The following TTC1 variants were observed in gnomAD, a reference collection of about 807,000 sequenced individuals.
The protein encoded by TTC1 is tetratricopeptide repeat domain 1.
TTC1 carries 31 observed loss-of-function variants against 37.6 expected under a neutral mutation model. The ratio of observed to expected loss-of-function variants is 0.82; its 90% CI spans 0.62 to 1.11. The LOEUF (loss-of-function observed/expected upper bound fraction) is 1.11, where lower values mean the gene tolerates loss of function less well. Ranked by LOEUF, TTC1 falls within the 50% of genes most tolerant of loss-of-function variation. The pLI is 0.00. For synonymous variants in TTC1, 127 were observed against 122.4 expected (o/e 1.04, Z -0.25); for missense variants, 351 against 339.0 (o/e 1.04, Z -0.28).
intron 2 of TTC1, among the ~76,000 whole-genome samples, chr5:160,015,690 AAGTGTAAGT>A (rs1382181532): frequency 1.3e-5 from 2 of 152,174 alleles, no homozygotes; most frequent in Non-Finnish European, 2.9e-5. Flanking sequence ...ATAAACTACT[AAGTGTAAGT>A]AAAGTGTTTC....
At chr5:160,032,480 A>AC (rs1215941194) in intron 2 of TTC1, among the ~76,000 whole-genome samples, 1 of 152,066 alleles carries the variant, frequency 6.6e-6, no homozygotes, top group African/African-American at 2.4e-5. Flanking sequence ...GAGTGGCAGT[A>AC]CCCCATGTCT....
chr5:160,048,842 G>A (rs554866866), intron 5 of TTC1, among the ~76,000 whole-genome samples: 7 of 152,140 alleles, frequency 4.6e-5, no homozygotes, highest in Non-Finnish European at 1.0e-4. Flanking sequence ...TCCCAGCTAC[G>A]TGGGAGGCTG....
chr5:160,010,671 A>G lies in TTC1; in HGVS notation c.143A>G (p.Asp48Gly). The G allele has an allele frequency of 6.2e-7, 1 of 1,613,832 alleles. No individual in the cohort carries two copies. ...NQHSQSKLLR[D>G]DEAHLQEDQG... ...CATTCCCAGAGTAAGCTGCTCAGGG[A>G]TGATGAGGCCCATCTCCAGGAGGAC... Residue 48 changes from aspartate to glycine, a missense_variant, in exon 2 of 8, where the codon GAT becomes GGT. Transcript: ENST00000231238.
intron 4 of TTC1, among the ~76,000 whole-genome samples, chr5:160,041,309 C>CT (rs2113375282): frequency 7.2e-6 from 1 of 139,564 alleles, no homozygotes; most frequent in Non-Finnish European, 1.6e-5. Flanking sequence ...ATTATGCTTT[C>CT]TTTCTTTTTT....
intron 1 of TTC1, among the ~76,000 whole-genome samples, chr5:160,009,776 AG>A (rs1271043533): frequency 6.6e-6 from 1 of 152,160 alleles, no homozygotes; most frequent in African/African-American, 2.4e-5. Flanking sequence ...AATCCTGATT[AG>A]GGTCACCTGC....
intron 2 of TTC1, among the ~76,000 whole-genome samples, chr5:160,026,128 A>C (rs1453837191): frequency 6.6e-6 from 1 of 152,214 alleles, no homozygotes; most frequent in African/African-American, 2.4e-5. Context: ...GGTTGCAAGC[A>C]TACATTCCAC....
intron 7 of TTC1, among the ~76,000 whole-genome samples, chr5:160,063,030 A>G (rs1186707835): frequency 6.6e-6 from 1 of 152,162 alleles, no homozygotes; most frequent in Non-Finnish European, 1.5e-5. Context: ...GCAGCACAGA[A>G]CGTGTGTGTC....
chr5:160,040,337 G>T (rs989333588), intron 4 of TTC1, among the ~76,000 whole-genome samples: 13 of 152,264 alleles, frequency 8.5e-5, no homozygotes, highest in African/African-American at 3.1e-4. Context: ...ATTGCTCTGG[G>T]TGAGTCAGTG....
At position 160,065,485 on chromosome 5, in the gene TTC1, C is replaced by A. The variant is rs1426768643; in HGVS notation, c.*420C>A. 10 of 446,060 alleles carry A rather than the reference C, an allele frequency of 2.2e-5. No individual in the cohort carries two copies. Among genetic ancestry groups the A allele is most frequent in the Non-Finnish European group, 3.6e-5 (8 of 223,154 alleles). 27.6% of individuals were successfully genotyped at this position (446,060 alleles called of 1,614,324 possible). A position where few individuals can be genotyped will look rare whatever the true frequency, so the allele number is the denominator to read the frequency against. On this transcript the variant is annotated 3_prime_UTR_variant, in exon 8 of 8. Coordinates refer to ENST00000231238, the MANE Select transcript of TTC1 (RefSeq NM_003314.3). ...GTCCCCTCCCTGATCACACAGCTAA[C>A]GAGGCTGCCTCCAGCATTTCCTGAT... is the stretch of plus-strand genomic sequence containing the variant.
At chr5:160,041,337 G>A (rs1349449139) in intron 4 of TTC1, among the ~76,000 whole-genome samples, 2 of 140,446 alleles carry the variant, frequency 1.4e-5, no homozygotes, top group East Asian at 4.2e-4. Context: ...TTTGGAGATA[G>A]AGTTACTCTG....
rs376876988 is a variant in TTC1, at chr5:160,043,106, A to G, written c.505-27A>G. On this transcript the variant is annotated intron_variant, in intron 4 of 7. Transcript: ENST00000231238. Reference sequence around the variant, plus strand: ...GCCATTAAGATAAAACTAGGGCAACACATATTAATACTGTTTTTCTTTTTA... The same window carrying G: ...GCCATTAAGATAAAACTAGGGCAACGCATATTAATACTGTTTTTCTTTTTA... The G allele has an allele frequency of 1.1e-5, 18 of 1,610,958 alleles. No individual in the cohort carries two copies. In the African/African-American group the frequency reaches 2.3e-4, roughly 20 times the overall value.
chr5:160,050,468 G>C (rs1012810206), intron 6 of TTC1, among the ~76,000 whole-genome samples: 2 of 151,686 alleles, frequency 1.3e-5, no homozygotes, highest in African/African-American at 2.4e-5. Context: ...AAATACAAAT[G>C]AATTTAAAAA....
chr5:160,039,846 T>C (rs1357169667), intron 4 of TTC1, among the ~76,000 whole-genome samples: 1 of 152,176 alleles, frequency 6.6e-6, no homozygotes, highest in Non-Finnish European at 1.5e-5. Flanking sequence ...ATGCTGAACA[T>C]TGAAAGAGAA....
intron 2 of TTC1, among the ~76,000 whole-genome samples, chr5:160,028,799 G>A (rs951631902): frequency 1.3e-5 from 2 of 151,864 alleles, no homozygotes; most frequent in African/African-American, 4.8e-5. Context: ...TTGGCTTTAG[G>A]GAAAAGGATT....
At chr5:160,029,798 TA>T (rs1336881356) in intron 2 of TTC1, among the ~76,000 whole-genome samples, 4 of 152,086 alleles carry the variant, frequency 2.6e-5, no homozygotes, top group African/African-American at 9.7e-5. Context: ...CTTGGGAGAA[TA>T]AACCCAGGTA....
chr5:160,036,026 T>A, intron 3 of TTC1, among the ~76,000 whole-genome samples: 1 of 152,058 alleles, frequency 6.6e-6, no homozygotes, highest in East Asian at 1.9e-4. Flanking sequence ...ACTTCTAATT[T>A]TGGAAGCATA....
In TTC1 at chr5:160,049,642, C is replaced by G. The variant is rs768790565; in HGVS notation, c.670C>G (p.Gln224Glu). The change falls in exon 6 of 8, where the codon CAA becomes GAA. Residue 224 changes from glutamine to glutamate, a missense_variant. By Grantham distance (29) the Gln-to-Glu change is conservative (BLOSUM62 2). Coordinates refer to ENST00000231238, the MANE Select transcript of TTC1 (RefSeq NM_003314.3). ...SILEKDPSIH[Q>E]AREACMRLPK... ...ATTAGAAAAAGATCCATCAATACATCAAGCAAGAGAAGCTTGTATGGTAAA... is the reference window on the plus strand; with the variant it reads ...ATTAGAAAAAGATCCATCAATACATGAAGCAAGAGAAGCTTGTATGGTAAA... The G allele has an allele frequency of 6.3e-6, 10 of 1,586,064 alleles. No homozygotes were observed. In the South Asian group the frequency reaches 1.1e-4, roughly 17 times the overall value.
At chr5:160,032,933 C>T (rs1756938079) in intron 2 of TTC1, among the ~76,000 whole-genome samples, 1 of 151,422 alleles carries the variant, frequency 6.6e-6, no homozygotes, top group Admixed American at 6.6e-5. Context: ...ACTATGTCGG[C>T]CAGGATGGTC....
chr5:160,027,166 C>T (rs1458442029), intron 2 of TTC1, among the ~76,000 whole-genome samples: 1 of 151,874 alleles, frequency 6.6e-6, no homozygotes, highest in Non-Finnish European at 1.5e-5. Context: ...AGTAGCTGGA[C>T]TACAGGTGCA....
Sources: gnomAD v4.1 joint callset for allele counts (sites outside exome capture counted in the v4.1 genomes callset) on GRCh38, gnomAD v4.1.1 for gene constraint, MANE v1.5 for transcripts, NCBI Gene and HGNC (gene_info 2026-07-23, HGNC 2026-07-21) for gene names.